The following CAPZA2 variants were observed in gnomAD, a reference collection of about 807,000 sequenced individuals.
CAPZA2 encodes F-actin-capping protein subunit alpha-2.
A neutral mutation model predicts 44.0 loss-of-function variants in CAPZA2; 13 were observed. The observed-to-expected ratio is 0.30, with a 90% CI of 0.19 to 0.47. The LOEUF (loss-of-function observed/expected upper bound fraction) is 0.47, where lower values mean the gene tolerates loss of function less well. Ranked by LOEUF, CAPZA2 falls within the 20% of genes least tolerant of loss-of-function variation. CAPZA2 has a pLI of 1.00. For missense variants in CAPZA2, 244 were observed against 338.6 expected (o/e 0.72, Z 2.19); for synonymous variants, 94 against 108.2 (o/e 0.87, Z 0.81).
chr7:116,915,940 C>T lies in CAPZA2; in HGVS notation c.658-120C>T, dbSNP rs895047937. 7.2e-5 allele frequency: 48 copies of T among 670,244 alleles called. No individual in the cohort carries two copies. In the African/African-American group the frequency reaches 9.2e-4, roughly 13 times the overall value. 41.5% of individuals were successfully genotyped at this position (670,244 alleles called of 1,614,324 possible). On this transcript the variant is annotated intron_variant, in intron 8 of 9. Coordinates refer to ENST00000361183, the MANE Select transcript of CAPZA2 (RefSeq NM_006136.3). Reference sequence around the variant, plus strand: ...AATAATTGATCTTACAATATTTATTCTATGTCATAATTTCCTTCTGTGTTA... The same window carrying T: ...AATAATTGATCTTACAATATTTATTTTATGTCATAATTTCCTTCTGTGTTA...
intron 1 of CAPZA2, among the ~76,000 whole-genome samples, chr7:116,864,323 GT>G (rs913838292): frequency 1.3e-5 from 2 of 152,098 alleles, no homozygotes; most frequent in Non-Finnish European, 2.9e-5. Flanking sequence ...AAATAAAAAA[GT>G]TTTTTAAAAA....
intron 1 of CAPZA2, among the ~76,000 whole-genome samples, chr7:116,871,164 T>G (rs1487324006): frequency 1.3e-5 from 2 of 152,164 alleles, no homozygotes; most frequent in Non-Finnish European, 2.9e-5. Flanking sequence ...GCGTATACTT[T>G]ATACTTTGAT....
intron 8 of CAPZA2, chr7:116,915,647 T>A: frequency 6.6e-6 from 1 of 151,894 alleles, no homozygotes; most frequent in East Asian, 1.9e-4. Flanking sequence ...TTAGTGATTT[T>A]TTTTTTTTTT....
At chr7:116,913,024 G>C (rs564713751) in intron 8 of CAPZA2, among the ~76,000 whole-genome samples, 2 of 152,104 alleles carry the variant, frequency 1.3e-5, no homozygotes, top group Admixed American at 1.3e-4. Context: ...ACATTTTCTT[G>C]ATGCTAATGA....
chr7:116,896,893 A>G (rs1385204730), intron 3 of CAPZA2, among the ~76,000 whole-genome samples: 1 of 152,130 alleles, frequency 6.6e-6, no homozygotes, highest in Non-Finnish European at 1.5e-5. Flanking sequence ...CTATAAAGTA[A>G]GTGAGGTGGC....
chr7:116,877,092 G>A (rs1476409279), intron 1 of CAPZA2, among the ~76,000 whole-genome samples: 1 of 152,190 alleles, frequency 6.6e-6, no homozygotes, highest in Non-Finnish European at 1.5e-5. Flanking sequence ...GCAGAGTGAG[G>A]AGAACTTGCA....
At chr7:116,917,278 A>G (rs1322432793) in intron 9 of CAPZA2, among the ~76,000 whole-genome samples, 1 of 152,056 alleles carries the variant, frequency 6.6e-6, no homozygotes, top group Non-Finnish European at 1.5e-5. Context: ...TTTTGAAGAC[A>G]GAGTCTTGCT....
intron 1 of CAPZA2, among the ~76,000 whole-genome samples, chr7:116,868,052 A>G (rs1330781857): frequency 6.6e-6 from 1 of 152,154 alleles, no homozygotes. Flanking sequence ...TTCTCTGCTC[A>G]TGACTTTTCA....
At chr7:116,868,354 C>A (rs1379580651) in intron 1 of CAPZA2, among the ~76,000 whole-genome samples, 1 of 152,152 alleles carries the variant, frequency 6.6e-6, no homozygotes, top group Admixed American at 6.5e-5. Flanking sequence ...TATACTTCTC[C>A]CTCAGTGACT....
chr7:116,894,645 A>G (rs1796901363), intron 3 of CAPZA2, among the ~76,000 whole-genome samples: 1 of 152,112 alleles, frequency 6.6e-6, no homozygotes, highest in South Asian at 2.1e-4. Context: ...CATTTTCAGT[A>G]CTTTTTTCAT....
At chr7:116,903,868 T>TA (rs1311354105) in intron 4 of CAPZA2, among the ~76,000 whole-genome samples, 1 of 152,164 alleles carries the variant, frequency 6.6e-6, no homozygotes, top group East Asian at 1.9e-4. Flanking sequence ...TGTAAACTGT[T>TA]AGAGTTCTCA....
At chr7:116,904,609 T>C in intron 5 of CAPZA2, 1 of 448,456 alleles carries the variant, frequency 2.2e-6, no homozygotes, top group South Asian at 3.7e-5. Context: ...TTTAAATCCA[T>C]GTAGAAATTC....
intron 4 of CAPZA2, 92 bp downstream of exon 4, chr7:116,898,927 A>C (rs1182319283): frequency 2.9e-6 from 2 of 692,362 alleles, no homozygotes; most frequent in Non-Finnish European, 4.8e-6. Flanking sequence ...AAGATAAAAA[A>C]TTATTCATAT....
Position 116,890,526 on chromosome 7 carries a change from ATATAT to A in CAPZA2, c.103+2337_103+2341del, listed in dbSNP as rs1796821726. 2.8e-3 allele frequency among the ~76,000 whole-genome samples: 81 copies of A among 28,826 alleles called. 1 individual carries two copies. Among genetic ancestry groups the A allele is most frequent in the South Asian group, 7.8e-3 (4 of 516 alleles). 18.9% of individuals were successfully genotyped at this position (28,826 alleles called of 152,430 possible). Reference sequence around the variant, plus strand: ...TCTCTACTTAAAAAAAAAAAAAAAAATATATATATATATATATATATATATATATA... The same window carrying A: ...TCTCTACTTAAAAAAAAAAAAAAAAAATATATATATATATATATATATATA... On this transcript the variant is annotated intron_variant, in intron 2 of 9. Transcript: ENST00000361183.
In CAPZA2 at chr7:116,911,596, G is replaced by A. The variant is rs115960420; in HGVS notation, c.586-473G>A. The stretch of plus-strand genomic sequence containing the variant: ...CCTTTACCATGTTGTGCTGAAATAC[G>A]AGATCAGGGACTGTGTCTTTTTAAA... On this transcript the variant is annotated intron_variant, in intron 7 of 9. Coordinates refer to ENST00000361183, the MANE Select transcript of CAPZA2 (RefSeq NM_006136.3). Among the ~76,000 whole-genome samples the A allele has an allele frequency of 3.9e-3, 596 of 152,186 alleles. 4 individuals are homozygous for A. Among genetic ancestry groups the A allele is most frequent in the African/African-American group, 0.013 (554 of 41,516 alleles).
chr7:116,864,613 A>C (rs1028864296), intron 1 of CAPZA2, among the ~76,000 whole-genome samples: 1 of 152,184 alleles, frequency 6.6e-6, no homozygotes, highest in Non-Finnish European at 1.5e-5. Context: ...CGTTCTTGTC[A>C]CTTGAGATAT....
intron 2 of CAPZA2, among the ~76,000 whole-genome samples, chr7:116,890,510 A>AT (rs1796818081): frequency 1.0e-4 from 1 of 9,604 alleles, no homozygotes; most frequent in African/African-American, 3.7e-4. Flanking sequence ...GTCTCTACTT[A>AT]AAAAAAAAAA....
At chr7:116,870,961 G>A (rs924298166) in intron 1 of CAPZA2, among the ~76,000 whole-genome samples, 19 of 152,160 alleles carry the variant, frequency 1.2e-4, no homozygotes, top group African/African-American at 3.6e-4. Flanking sequence ...TTGGTTGTAC[G>A]GAGTTTGAGA....
intron 1 of CAPZA2, among the ~76,000 whole-genome samples, chr7:116,887,384 C>G (rs190732683): frequency 1.2e-3 from 180 of 152,000 alleles, no homozygotes; most frequent in African/African-American, 4.1e-3. Context: ...AAAAATTATC[C>G]AGGTGTGGTG....
Sources: gnomAD v4.1 joint callset for allele counts (sites outside exome capture counted in the v4.1 genomes callset) on GRCh38, gnomAD v4.1.1 for gene constraint, MANE v1.5 for transcripts, NCBI Gene and HGNC (gene_info 2026-07-23, HGNC 2026-07-21) for gene names.